SPMIP7: variants seen among roughly 807,000 people sequenced by gnomAD.
SPMIP7 encodes sperm microtubule inner protein 7.
chr7:50,129,636 A>G, the SPMIP7 span: 2 of 1,002,922 alleles, frequency 2.0e-6, no homozygotes, highest in Non-Finnish European at 1.5e-6. Flanking sequence ...AAGGAATCCA[A>G]AAGAAAACAT....
At chr7:50,111,215 CTG>C in the SPMIP7 span, among the ~76,000 whole-genome samples, 1 of 151,416 alleles carries the variant, frequency 6.6e-6, no homozygotes, top group Non-Finnish European at 1.5e-5. Flanking sequence ...ACACATCAGA[CTG>C]TGGATAAGAG....
chr7:50,140,097 CT>C, the SPMIP7 span: 1 of 1,326,790 alleles, frequency 7.5e-7, no homozygotes, highest in Non-Finnish European at 1.0e-6. Context: ...TGTTTATTAA[CT>C]TAATATAAAT....
the SPMIP7 span, chr7:50,141,144 T>G: frequency 1.8e-6 from 1 of 554,278 alleles, no homozygotes; most frequent in Middle Eastern, 2.8e-4. Flanking sequence ...TCTATCATTA[T>G]GCTTTACATT....
At chr7:50,114,793 G>A in the SPMIP7 span, among the ~76,000 whole-genome samples, 30 of 152,236 alleles carry the variant, frequency 2.0e-4, no homozygotes, top group African/African-American at 6.5e-4. Flanking sequence ...ACTTTGGGAC[G>A]CTGAGGAGAG....
chr7:50,115,448 C>T, the SPMIP7 span, among the ~76,000 whole-genome samples: 1 of 152,086 alleles, frequency 6.6e-6, no homozygotes, highest in East Asian at 1.9e-4. Flanking sequence ...TATGAACTAA[C>T]TTGACCTAAT....
chr7:50,105,015 A>G, the SPMIP7 span, among the ~76,000 whole-genome samples: 1 of 152,192 alleles, frequency 6.6e-6, no homozygotes, highest in East Asian at 1.9e-4. Context: ...TTGTTAAGTA[A>G]CTGACTTTTG....
chr7:50,120,264 C>T, the SPMIP7 span: 2 of 152,132 alleles, frequency 1.3e-5, no homozygotes, highest in African/African-American at 4.8e-5. Context: ...TAACGAGGTT[C>T]CTGGATGCTC....
At chr7:50,112,095 T>A in the SPMIP7 span, among the ~76,000 whole-genome samples, 1 of 151,758 alleles carries the variant, frequency 6.6e-6, no homozygotes, top group African/African-American at 2.4e-5. Context: ...TACAAAATTA[T>A]CTTGGAATAA....
At chr7:50,135,146 T>C in the SPMIP7 span, among the ~76,000 whole-genome samples, 1 of 152,218 alleles carries the variant, frequency 6.6e-6, no homozygotes, top group African/African-American at 2.4e-5. Flanking sequence ...TTATGCTAGG[T>C]GAATCTCAAG....
At chr7:50,108,359 A>G in the SPMIP7 span, among the ~76,000 whole-genome samples, 1 of 152,204 alleles carries the variant, frequency 6.6e-6, no homozygotes, top group Admixed American at 6.5e-5. Context: ...AAAACATTTT[A>G]TAAATAAACT....
At chr7:50,123,517 T>C in the SPMIP7 span, among the ~76,000 whole-genome samples, 5 of 150,778 alleles carry the variant, frequency 3.3e-5, no homozygotes, top group Non-Finnish European at 7.4e-5. Flanking sequence ...TGTATACATA[T>C]GTAACTAACA....
the SPMIP7 span, among the ~76,000 whole-genome samples, chr7:50,130,724 C>T: frequency 2.6e-5 from 4 of 151,926 alleles, no homozygotes; most frequent in African/African-American, 9.7e-5. Flanking sequence ...GGGGAGGCCT[C>T]CCCAGGTGCT....
chr7:50,107,944 A>T, the SPMIP7 span, among the ~76,000 whole-genome samples: 17 of 152,238 alleles, frequency 1.1e-4, no homozygotes, highest in African/African-American at 4.1e-4. Context: ...TCATTTTTCA[A>T]CATAGTTTAT....
chr7:50,159,094 CCT>C, the SPMIP7 span: 2 of 1,551,920 alleles, frequency 1.3e-6, no homozygotes, highest in Non-Finnish European at 1.7e-6. Flanking sequence ...ACCAGGCTCC[CCT>C]GTCTCGACTG....
chr7:50,137,073 C>T, the SPMIP7 span, among the ~76,000 whole-genome samples: 1 of 151,992 alleles, frequency 6.6e-6, no homozygotes, highest in Non-Finnish European at 1.5e-5. Flanking sequence ...TTTTAAAACA[C>T]ATGTGTTATT....
the SPMIP7 span, among the ~76,000 whole-genome samples, chr7:50,140,480 A>G: frequency 6.6e-6 from 1 of 152,256 alleles, no homozygotes; most frequent in African/African-American, 2.4e-5. Context: ...AATACCTTGG[A>G]TGCTACCACT....
At chr7:50,134,055 T>G in the SPMIP7 span, 1 of 1,446,762 alleles carries the variant, frequency 6.9e-7, no homozygotes. Context: ...TGTTATAAAC[T>G]TTACCAATTG....
At chr7:50,139,133 G>A in the SPMIP7 span, among the ~76,000 whole-genome samples, 6 of 151,836 alleles carry the variant, frequency 4.0e-5, no homozygotes, top group African/African-American at 1.5e-4. Flanking sequence ...GGCAGATCAC[G>A]AGGTCAGGAG....
At chr7:50,158,182 C>A in the SPMIP7 span, among the ~76,000 whole-genome samples, 205 of 150,910 alleles carry the variant, frequency 1.4e-3, 2 homozygotes, top group East Asian at 0.033. Context: ...CTTCTCCCAG[C>A]CCCTAGGTGA....
Sources: gnomAD v4.1 joint callset for allele counts (sites outside exome capture counted in the v4.1 genomes callset) on GRCh38, gnomAD v4.1.1 for gene constraint, MANE v1.5 for transcripts, NCBI Gene and HGNC (gene_info 2026-07-23, HGNC 2026-07-21) for gene names.